The following LRRC4B variants were observed in gnomAD, a reference collection of about 807,000 sequenced individuals.
LRRC4B encodes the protein leucine rich repeat containing 4B, also known as leucine-rich repeat-containing protein 4B.
LRRC4B carries 1 observed loss-of-function variant against 7.3 expected under a neutral mutation model. The observed-to-expected ratio is 0.14, with a 90% CI of 0.05 to 0.65. The LOEUF (loss-of-function observed/expected upper bound fraction) is 0.65. Among genes scored for constraint, LRRC4B ranks in the 30% least tolerant of loss-of-function variants. The probability of loss-of-function intolerance (pLI) is 0.84; values close to 1 mark genes in which losing one functional copy is unlikely to be tolerated. For missense variants in LRRC4B, 730 were observed against 1,041.6 expected, an observed-to-expected ratio of 0.70 and a Z score of 4.12; for synonymous variants, 500 against 499.2, an observed-to-expected ratio of 1.00 and a Z score of -0.02.
intron 2 of LRRC4B, among the ~76,000 whole-genome samples, chr19:50,530,295 T>C (rs1223478223): frequency 1.3e-5 from 2 of 152,136 alleles, no homozygotes; most frequent in African/African-American, 2.4e-5. Flanking sequence ...CAGCCTGTAT[T>C]GGAAGCCCTG....
At chr19:50,533,013 C>T (rs1420006310) in intron 2 of LRRC4B, among the ~76,000 whole-genome samples, 3 of 152,178 alleles carry the variant, frequency 2.0e-5, no homozygotes, top group South Asian at 2.1e-4. Context: ...TTCGTGTGCA[C>T]GTCTGAGATC....
At chr19:50,549,935 G>T (rs1256668530) in intron 1 of LRRC4B, among the ~76,000 whole-genome samples, 3 of 152,120 alleles carry the variant, frequency 2.0e-5, no homozygotes, top group South Asian at 4.1e-4. Context: ...GCGGGGACTC[G>T]GGCCCTCTGA....
chr19:50,562,069 G>T (rs1201133372), intron 1 of LRRC4B, among the ~76,000 whole-genome samples: 1 of 150,542 alleles, frequency 6.6e-6, no homozygotes, highest in Non-Finnish European at 1.5e-5. Flanking sequence ...AGTGAGCCGA[G>T]ATCGCGCCAC....
At position 50,556,411 on chromosome 19, in the gene LRRC4B, C is replaced by G. The variant is rs940953684; in HGVS notation, c.-35-7538G>C. On this transcript the variant is annotated intron_variant, in intron 1 of 2. Transcript: ENST00000652263. The surrounding 1 kb of genome is among the most constrained non-coding windows in gnomAD (Gnocchi z 4.2). ...AGGCTCTTCCCATCCACACCAGACCCGTTCCCCTGAGGGGACTTTGCCCCT... is the reference window on the plus strand; with the variant it reads ...AGGCTCTTCCCATCCACACCAGACCGGTTCCCCTGAGGGGACTTTGCCCCT... Among the ~76,000 whole-genome samples, 1 of 152,168 alleles carries G rather than the reference C, an allele frequency of 6.6e-6. No homozygotes were observed. The highest frequency in any genetic ancestry group is 2.4e-5 in the African/African-American group (1 of 41,442).
Position 50,548,562 on chromosome 19 carries a change from G to C in LRRC4B, c.277C>G (p.Leu93Val). 1 of 1,600,134 alleles carries C rather than the reference G, an allele frequency of 6.2e-7. No individual in the cohort carries two copies. The highest frequency in any genetic ancestry group is 8.5e-7 in the Non-Finnish European group (1 of 1,178,474). Reference sequence around the variant, plus strand: ...CATACCTGGATGCCGTTCTCTTGCAGGTTCAGGTACCGCGTGTTGACCGGG... The same window carrying C: ...CATACCTGGATGCCGTTCTCTTGCACGTTCAGGTACCGCGTGTTGACCGGG... ...SIPVNTRYLNLQENGIQVIRT... is the reference protein window; with the variant it reads ...SIPVNTRYLNVQENGIQVIRT... The change falls in exon 2 of 3, where the codon CTG (leucine) becomes GTG (valine). Residue 93 changes from leucine to valine, a missense_variant. Leu to Val is a conservative substitution (Grantham distance 32). Around this residue, in one of 6 missense-constraint regions of LRRC4B, gnomAD observed 143 missense variants for 158.4 expected, o/e 0.90. Coordinates refer to ENST00000652263, the MANE Select transcript of LRRC4B (RefSeq NM_001080457.2). This position sits in a 1 kb window ranked among gnomAD's most constrained non-coding sequence, Gnocchi z 6.8.
Position 50,517,395 on chromosome 19 carries a change from C to T in LRRC4B, c.*176G>A, listed in dbSNP as rs1980316229. Reference sequence around the variant, plus strand: ...GAGACTCCGCTCCTGGAGCCCCACCCTGTCCTTACTGGGGGTCCGAGCCCC... The same window carrying T: ...GAGACTCCGCTCCTGGAGCCCCACCTTGTCCTTACTGGGGGTCCGAGCCCC... On this transcript the variant is annotated 3_prime_UTR_variant, in exon 3 of 3. Transcript: ENST00000652263. This position sits in a 1 kb window ranked among gnomAD's most constrained non-coding sequence, Gnocchi z 6.6. 1 of 470,720 alleles carries T rather than the reference C, an allele frequency of 2.1e-6. No individual in the cohort carries two copies. The highest frequency in any genetic ancestry group is 4.4e-5 in the Admixed American group (1 of 22,718). The allele number at this position is 470,720 out of a possible 1,614,324, so 29.2% of individuals were successfully genotyped here.
rs1370403424 is a variant in LRRC4B at position 50,568,340 on chromosome 19, C to A, written c.-432G>T. Among the ~76,000 whole-genome samples the A allele has an allele frequency of 6.8e-6, 1 of 146,830 alleles. No individual in the cohort carries two copies. Among genetic ancestry groups the A allele is most frequent in the African/African-American group, 2.5e-5 (1 of 40,162 alleles). On this transcript the variant is annotated 5_prime_UTR_variant, in exon 1 of 3. Transcript: ENST00000652263. ...GGCGCCGCTCTCCCCCCACCCCACCCCCCCCCAGGCCCCGGCCCCGGCCCC... is the reference window on the plus strand; with the variant it reads ...GGCGCCGCTCTCCCCCCACCCCACCACCCCCCAGGCCCCGGCCCCGGCCCC...
chr19:50,565,989 C>T (rs1982615948), intron 1 of LRRC4B, among the ~76,000 whole-genome samples: 1 of 152,182 alleles, frequency 6.6e-6, no homozygotes, highest in Non-Finnish European at 1.5e-5. Context: ...GTCTCTCTCC[C>T]CGCCTTTCGG....
intron 2 of LRRC4B, among the ~76,000 whole-genome samples, chr19:50,523,110 G>T (rs1200658531): frequency 6.6e-6 from 1 of 152,236 alleles, no homozygotes; most frequent in Non-Finnish European, 1.5e-5. Flanking sequence ...GTCCACGGGA[G>T]GGGCAGTGCT....
At chr19:50,524,357 C>T (rs1018031261) in intron 2 of LRRC4B, among the ~76,000 whole-genome samples, 5 of 152,110 alleles carry the variant, frequency 3.3e-5, no homozygotes, top group African/African-American at 7.2e-5. Context: ...GTGATCTGCT[C>T]GCCTCAGCCT....
At chr19:50,529,739 T>G (rs1467908984) in intron 2 of LRRC4B, among the ~76,000 whole-genome samples, 1 of 151,874 alleles carries the variant, frequency 6.6e-6, no homozygotes, top group African/African-American at 2.4e-5. Flanking sequence ...GAGGAGGAGG[T>G]TGCAGTGAGC....
Position 50,548,785 on chromosome 19 carries a change from G to C in LRRC4B, c.54C>G (p.Ser18=). The C allele has an allele frequency of 6.6e-7, 1 of 1,526,658 alleles. No homozygotes were observed. The highest frequency in any genetic ancestry group is 2.0e-5 in the Admixed American group (1 of 49,654). 94.6% of individuals were successfully genotyped at this position (1,526,658 alleles called of 1,614,324 possible). A position where few individuals can be genotyped will look rare whatever the true frequency, so the allele number is the denominator to read the frequency against. The part of the protein sequence containing the change: ...PCPPLPPGRM[S]WPHGALLFLW... ...GGAAGAGCAATGCCCCGTGGGGCCA[G>C]GACATCCTACCGGGCGGCAGCGGGG... Residue 18 remains serine (S), a synonymous_variant, in exon 2 of 3, where the codon TCC becomes TCG. Transcript: ENST00000652263. The surrounding 1 kb of genome is among the most constrained non-coding windows in gnomAD (Gnocchi z 6.8).
intron 2 of LRRC4B, among the ~76,000 whole-genome samples, chr19:50,521,349 T>C (rs1350812478): frequency 6.6e-6 from 1 of 152,244 alleles, no homozygotes; most frequent in South Asian, 2.1e-4. Flanking sequence ...GGTGGTTACA[T>C]GACGGAAAGC....
At chr19:50,549,422 C>T (rs553206379) in intron 1 of LRRC4B, among the ~76,000 whole-genome samples, 1 of 152,306 alleles carries the variant, frequency 6.6e-6, no homozygotes, top group South Asian at 2.1e-4. Flanking sequence ...TCCCCCTCTC[C>T]CCATCCCAGG....
chr19:50,548,886 G>A lies in LRRC4B; in HGVS notation c.-35-13C>T. ...GGACGCTGGGGGGCTGTGGGTGGGG[G>A]AGAGAAGGGGGAGAGGCTTGGTGAG... On this transcript the variant is annotated splice_polypyrimidine_tract_variant and intron_variant, in intron 1 of 2. Transcript: ENST00000652263. The surrounding 1 kb of genome is among the most constrained non-coding windows in gnomAD (Gnocchi z 6.8). 2.9e-6 allele frequency: 3 copies of A among 1,024,766 alleles called. No homozygotes were observed. The highest frequency in any genetic ancestry group is 2.7e-6 in the Non-Finnish European group (2 of 731,726). The allele number at this position is 1,024,766 out of a possible 1,614,324, so 63.5% of individuals were successfully genotyped here. A position where few individuals can be genotyped will look rare whatever the true frequency, so the allele number is the denominator to read the frequency against.
intron 1 of LRRC4B, among the ~76,000 whole-genome samples, chr19:50,559,424 A>G (rs1252371842): frequency 6.6e-6 from 1 of 151,950 alleles, no homozygotes; most frequent in Non-Finnish European, 1.5e-5. Context: ...ACAGAGCGAG[A>G]CTCTGTCTGA....
chr19:50,543,558 T>C (rs536896364), intron 2 of LRRC4B, among the ~76,000 whole-genome samples: 1 of 151,658 alleles, frequency 6.6e-6, no homozygotes, highest in East Asian at 1.9e-4. Flanking sequence ...ACTCAGAAAT[T>C]GGAAATAAGG....
Position 50,518,816 on chromosome 19 carries a change from G to C in LRRC4B, c.897C>G (p.Pro299=). ...LMSLPHDLFT[P]LHRLERVHLN... ...GGTGCACGCGCTCGAGGCGGTGCAG[G>C]GGCGTGAAGAGGTCGTGGGGCAGCG... Residue 299 remains proline (P), a synonymous_variant, in exon 3 of 3, where the codon CCC becomes CCG. Coordinates refer to ENST00000652263, the MANE Select transcript of LRRC4B (RefSeq NM_001080457.2). 1.2e-6 allele frequency: 2 copies of C among 1,614,096 alleles called. No individual in the cohort carries two copies. Among genetic ancestry groups the C allele is most frequent in the Middle Eastern group, 1.6e-4 (1 of 6,062 alleles).
Position 50,552,250 on chromosome 19 carries a change from A to C in LRRC4B, c.-35-3377T>G, listed in dbSNP as rs1366790798. ...TGGGTCTAGGCACACAATCTTGCCC[A>C]GCGTTTTCCTGCAGATGCCCCTGTA... On this transcript the variant is annotated intron_variant, in intron 1 of 2. Coordinates refer to ENST00000652263, the MANE Select transcript of LRRC4B (RefSeq NM_001080457.2). Among the ~76,000 whole-genome samples the C allele has an allele frequency of 1.9e-4, 25 of 132,824 alleles. No homozygotes were observed. The Admixed American group carries it at 2.3e-3, about 12-fold the overall frequency. 87.1% of individuals were successfully genotyped at this position (132,824 alleles called of 152,430 possible).
Sources: gnomAD v4.1 joint callset for allele counts (sites outside exome capture counted in the v4.1 genomes callset) on GRCh38, gnomAD v4.1.1 for gene constraint, gnomAD v4.1.1 regional missense constraint, Gnocchi (gnomAD v3.1) non-coding constraint, MANE v1.5 for transcripts, NCBI Gene and HGNC (gene_info 2026-07-23, HGNC 2026-07-21) for gene names.